Variants in ATP10B observed in about 807,000 individuals in gnomAD.
ATP10B encodes ATPase phospholipid transporting 10B (putative), also known as phospholipid-transporting ATPase VB.
ATP10B carries 122 observed loss-of-function variants against 141.2 expected under a neutral mutation model. That is an observed-to-expected ratio of 0.86 (90% confidence interval 0.75 to 1.00). The LOEUF (loss-of-function observed/expected upper bound fraction) is 1.00, where lower values mean the gene tolerates loss of function less well. ATP10B is among the 50% of genes least tolerant of loss of function. The pLI, the probability that ATP10B is intolerant of heterozygous loss-of-function variation, is 0.00. For missense variants in ATP10B, 1,876 were observed against 1,825.3 expected (o/e 1.03, Z -0.51); for synonymous variants, 685 against 692.0 (o/e 0.99, Z 0.16).
At chr5:160,790,531 G>C (rs761998900) in intron 1 of ATP10B, among the ~76,000 whole-genome samples, 1 of 152,068 alleles carries the variant, frequency 6.6e-6, no homozygotes, top group East Asian at 1.9e-4. Context: ...ATGAGGTATC[G>C]CTCAAAGACA....
chr5:160,919,324 G>C, the ATP10B span, among the ~76,000 whole-genome samples: 1 of 151,182 alleles, frequency 6.6e-6, no homozygotes, highest in African/African-American at 2.4e-5. Context: ...ATATTTACTG[G>C]GGCATCTGCT....
the ATP10B span, among the ~76,000 whole-genome samples, chr5:160,873,261 G>A: frequency 2.0e-5 from 3 of 151,896 alleles, no homozygotes; most frequent in Non-Finnish European, 4.4e-5. Context: ...ACTTGATGAA[G>A]AATATCCACA....
At chr5:160,782,525 C>G in intron 2 of ATP10B, among the ~76,000 whole-genome samples, 1 of 151,344 alleles carries the variant, frequency 6.6e-6, no homozygotes, top group Non-Finnish European at 1.5e-5. Context: ...TCTGAGCCCC[C>G]AGAAGGGATC....
intron 15 of ATP10B, among the ~76,000 whole-genome samples, chr5:160,619,535 CA>C (rs1447764958): frequency 2.6e-5 from 4 of 152,190 alleles, no homozygotes; most frequent in Admixed American, 2.6e-4. Context: ...ACACACTAAT[CA>C]ATCCCCATAA....
At chr5:160,898,983 G>C in the ATP10B span, among the ~76,000 whole-genome samples, 1 of 151,422 alleles carries the variant, frequency 6.6e-6, no homozygotes, top group African/African-American at 2.4e-5. Flanking sequence ...TCACACACTG[G>C]GGCCTGTCAG....
intron 1 of ATP10B, among the ~76,000 whole-genome samples, chr5:160,788,387 G>A (rs187130123): frequency 3.8e-4 from 58 of 152,290 alleles, no homozygotes; most frequent in South Asian, 8.3e-4. Flanking sequence ...ATATTCTTCC[G>A]TTGGGGTTGC....
intron 7 of ATP10B, among the ~76,000 whole-genome samples, chr5:160,653,398 CGT>C (rs1761078242): frequency 1.8e-5 from 1 of 56,910 alleles, no homozygotes; most frequent in African/African-American, 7.2e-5. Context: ...TATATACATA[CGT>C]ACATACATAC....
chr5:160,726,196 T>TTC (rs1766345232), intron 2 of ATP10B, among the ~76,000 whole-genome samples: 2 of 152,148 alleles, frequency 1.3e-5, no homozygotes, highest in South Asian at 4.1e-4. Flanking sequence ...TTTAGACCTT[T>TTC]TCTCTGCATG....
intron 1 of ATP10B, among the ~76,000 whole-genome samples, chr5:160,824,184 T>C (rs545019015): frequency 6.6e-6 from 1 of 152,026 alleles, no homozygotes; most frequent in South Asian, 2.1e-4. Context: ...CCCTGGCTAA[T>C]TTTTTGTATT....
the ATP10B span, among the ~76,000 whole-genome samples, chr5:160,862,506 G>A: frequency 6.6e-6 from 1 of 151,966 alleles, no homozygotes; most frequent in African/African-American, 2.4e-5. Flanking sequence ...GTTAAACTGT[G>A]ACTGATACAG....
the ATP10B span, among the ~76,000 whole-genome samples, chr5:160,911,284 T>C: frequency 6.6e-6 from 1 of 152,220 alleles, no homozygotes; most frequent in Admixed American, 6.5e-5. Flanking sequence ...ATTCTTGGAA[T>C]TCTAAAATCA....
intron 6 of ATP10B, among the ~76,000 whole-genome samples, chr5:160,674,385 G>A (rs1194196377): frequency 6.6e-6 from 1 of 152,184 alleles, no homozygotes; most frequent in African/African-American, 2.4e-5. Flanking sequence ...GTTTTTCTGA[G>A]CTGTCACTTC....
intron 1 of ATP10B, among the ~76,000 whole-genome samples, chr5:160,815,060 G>C (rs1372090878): frequency 6.6e-6 from 1 of 152,148 alleles, no homozygotes; most frequent in Admixed American, 6.5e-5. Flanking sequence ...ATCGAGGCTA[G>C]GAAGAAACTG....
chr5:160,757,725 A>G (rs1215730516), intron 2 of ATP10B, among the ~76,000 whole-genome samples: 1 of 152,110 alleles, frequency 6.6e-6, no homozygotes, highest in African/African-American at 2.4e-5. Context: ...TGTTAGATGT[A>G]TCATTATTGT....
At chr5:160,904,505 G>A in the ATP10B span, among the ~76,000 whole-genome samples, 6 of 27,750 alleles carry the variant, frequency 2.2e-4, no homozygotes, top group Middle Eastern at 0.02. Flanking sequence ...CTGGGTGTGC[G>A]TGTGTATGTT....
intron 3 of ATP10B, among the ~76,000 whole-genome samples, chr5:160,709,140 C>A (rs781323525): frequency 6.6e-6 from 1 of 152,154 alleles, no homozygotes; most frequent in Non-Finnish European, 1.5e-5. Flanking sequence ...TAAAGACCTG[C>A]CTCATTGAGG....
At chr5:160,687,724 G>A (rs972190142) in intron 5 of ATP10B, 76 bp downstream of exon 5, 5 of 1,503,402 alleles carry the variant, frequency 3.3e-6, no homozygotes, top group East Asian at 2.3e-5. Flanking sequence ...GAGATTGCAC[G>A]ACTATACTCC....
chr5:160,912,625 GAGAAA>G, the ATP10B span, among the ~76,000 whole-genome samples: 2 of 128,868 alleles, frequency 1.6e-5, no homozygotes, highest in Non-Finnish European at 3.4e-5. Context: ...AAGAAAAGAA[GAGAAA>G]AGAAAAGGAG....
the ATP10B span, among the ~76,000 whole-genome samples, chr5:160,889,776 G>T: frequency 6.6e-6 from 1 of 152,150 alleles, no homozygotes; most frequent in Non-Finnish European, 1.5e-5. Flanking sequence ...TCCTGAATAG[G>T]CCTGCAGGGA....
Sources: gnomAD v4.1 joint callset for allele counts (sites outside exome capture counted in the v4.1 genomes callset) on GRCh38, gnomAD v4.1.1 for gene constraint, MANE v1.5 for transcripts, NCBI Gene and HGNC (gene_info 2026-07-23, HGNC 2026-07-21) for gene names.